PAAF1: variants seen among roughly 807,000 people sequenced by gnomAD.
PAAF1 encodes proteasomal ATPase-associated factor 1.
In PAAF1, 46 loss-of-function variants were observed where a neutral mutation model predicts 52.8. That is an observed-to-expected ratio of 0.87 (90% CI 0.69 to 1.11). The LOEUF is 1.11. Among genes scored for constraint, PAAF1 ranks in the 50% most tolerant of loss-of-function variants. PAAF1 has a pLI of 0.00. For missense variants in PAAF1, 424 were observed against 477.4 expected, an observed-to-expected ratio of 0.89 and a Z score of 1.04; for synonymous variants, 178 against 172.8, an observed-to-expected ratio of 1.03 and a Z score of -0.24.
rs534645379 is a variant in PAAF1, at chr11:73,923,091, A to G, written c.1019-1524A>G. ...GTCTTCATATATTTTGAAATATATC[A>G]TGAGCGTCTTATTTCATCTGTTAGC... On this transcript the variant is annotated intron_variant, in intron 10 of 11. Coordinates refer to ENST00000310571, the MANE Select transcript of PAAF1 (RefSeq NM_025155.3). Among the ~76,000 whole-genome samples, 4 of 152,276 alleles carry G rather than the reference A, an allele frequency of 2.6e-5. No individual in the cohort carries two copies. In the South Asian group the frequency reaches 8.3e-4, roughly 32 times the overall value.
chr11:73,887,247 C>T, intron 2 of PAAF1, 107 bp from the exon 3 acceptor site: 1 of 722,386 alleles, frequency 1.4e-6, no homozygotes, highest in Non-Finnish European at 2.2e-6. Flanking sequence ...TTTCGTGGGC[C>T]AATTTCATGG....
chr11:73,919,543 G>A (rs1351393260), intron 10 of PAAF1, among the ~76,000 whole-genome samples: 1 of 152,174 alleles, frequency 6.6e-6, no homozygotes, highest in Non-Finnish European at 1.5e-5. Flanking sequence ...GGCAAGCGGG[G>A]GCAAAAGAAG....
chr11:73,930,360 G>T lies in PAAF1; in HGVS notation c.*2998G>T, dbSNP rs1374996797. 8 of 149,578 alleles carry T rather than the reference G, an allele frequency of 5.3e-5. No homozygotes were observed. 9.3% of individuals were successfully genotyped at this position (149,578 alleles called of 1,614,324 possible). On this transcript the variant is annotated 3_prime_UTR_variant, in exon 12 of 12. Transcript: ENST00000310571. ...ACTCCAGCCTGGGCGACAGAGCGAG[G>T]CTCTATCTCAAGAAAAAAAAAAAGA...
At chr11:73,889,865 G>C (rs1949154934) in intron 3 of PAAF1, among the ~76,000 whole-genome samples, 1 of 152,196 alleles carries the variant, frequency 6.6e-6, no homozygotes. Flanking sequence ...CAGGCAGCCA[G>C]GCATGGATAT....
intron 2 of PAAF1, among the ~76,000 whole-genome samples, chr11:73,881,534 C>T (rs189796364): frequency 9.9e-5 from 15 of 152,196 alleles, no homozygotes; most frequent in African/African-American, 2.9e-4. Context: ...GTGATCCGCC[C>T]GCCTTGGCCT....
chr11:73,916,580 CT>C lies in PAAF1; in HGVS notation c.856del (p.Cys286ValfsTer23). The C allele has an allele frequency of 6.2e-7, 1 of 1,613,882 alleles. No individual in the cohort carries two copies. Among genetic ancestry groups the C allele is most frequent in the South Asian group, 1.1e-5 (1 of 91,044 alleles). On this transcript the variant is annotated frameshift_variant, in exon 9 of 12. Coordinates refer to ENST00000310571, the MANE Select transcript of PAAF1 (RefSeq NM_025155.3). LOFTEE classifies it high-confidence loss of function. ...LFIGSDAFNC[C>X]TFLSGFLLLA... ...TTATTGGCTCAGACGCTTTCAACTG[CT>C]GTACTTTTCTCTCTGGCTTCTTGCT...
intron 10 of PAAF1, chr11:73,922,249 T>A (rs1232870248): frequency 1.6e-6 from 1 of 616,752 alleles, no homozygotes; most frequent in East Asian, 4.0e-5. Context: ...TTTTCTACTT[T>A]TCTGCTGGGA....
intron 6 of PAAF1, among the ~76,000 whole-genome samples, chr11:73,900,716 C>CT (rs1327568340): frequency 6.6e-6 from 1 of 152,102 alleles, no homozygotes; most frequent in African/African-American, 2.4e-5. Context: ...GGCGCGGTGG[C>CT]TCACGCCTGT....
chr11:73,881,276 C>T (rs1287737743), intron 2 of PAAF1, among the ~76,000 whole-genome samples: 1 of 152,056 alleles, frequency 6.6e-6, no homozygotes, highest in East Asian at 1.9e-4. Context: ...ATTTTTCTTG[C>T]CGATACATAC....
intron 4 of PAAF1, among the ~76,000 whole-genome samples, chr11:73,897,542 C>T (rs1432975141): frequency 1.4e-5 from 2 of 142,252 alleles, no homozygotes; most frequent in South Asian, 2.3e-4. Flanking sequence ...ACATCTCAGA[C>T]GATGGGCGGC....
At chr11:73,886,567 G>A (rs1949062246) in intron 2 of PAAF1, among the ~76,000 whole-genome samples, 1 of 150,656 alleles carries the variant, frequency 6.6e-6, no homozygotes, top group African/African-American at 2.4e-5. Flanking sequence ...CCAGCTGTTC[G>A]GAGGCTGAAG....
chr11:73,893,895 C>CA (rs905763403), intron 4 of PAAF1, among the ~76,000 whole-genome samples: 3 of 152,072 alleles, frequency 2.0e-5, no homozygotes, highest in Non-Finnish European at 2.9e-5. Context: ...CTCGTCTCTA[C>CA]AAAAAAATTA....
At chr11:73,924,726 G>C in intron 11 of PAAF1, 29 bp downstream of exon 11, 1 of 1,576,480 alleles carries the variant, frequency 6.3e-7, no homozygotes, top group South Asian at 1.1e-5. Context: ...ACCAGACCTG[G>C]GTGATTCTCA....
intron 2 of PAAF1, among the ~76,000 whole-genome samples, chr11:73,882,311 CTTTTTTTTT>C (rs34242715): frequency 8.4e-6 from 1 of 119,568 alleles, no homozygotes; most frequent in Non-Finnish European, 1.8e-5. Flanking sequence ...CGTGCCTGCA[CTTTTTTTTT>C]TTTTTTTTTG....
At position 73,916,554 on chromosome 11, in the gene PAAF1, T is replaced by G. The variant is rs1418619901; in HGVS notation, c.829T>G (p.Phe277Val). 6.2e-7 allele frequency: 1 copy of G among 1,612,002 alleles called. No homozygotes were observed. The highest frequency in any genetic ancestry group is 8.5e-7 in the Non-Finnish European group (1 of 1,178,768). Residue 277 changes from phenylalanine (F) to valine (V), a missense_variant, in exon 9 of 12, where the codon TTT (phenylalanine) becomes GTT (valine). Physicochemically the swap from Phe to Val is conservative, Grantham distance 50 (BLOSUM62 -1). Coordinates refer to ENST00000310571, the MANE Select transcript of PAAF1 (RefSeq NM_025155.3). ...TCCTACTTGTTCCCAGGTGTTCCTC[T>G]TTATTGGCTCAGACGCTTTCAACTG... ...GLQSRQLVFL[F>V]IGSDAFNCCT...
At chr11:73,897,895 T>G (rs1285055786) in intron 4 of PAAF1, among the ~76,000 whole-genome samples, 10 of 151,772 alleles carry the variant, frequency 6.6e-5, no homozygotes, top group Admixed American at 6.6e-4. Context: ...GGGGCACCAT[T>G]GAGCACTGAG....
chr11:73,905,230 C>CTT (rs370887715), intron 6 of PAAF1, among the ~76,000 whole-genome samples: 74 of 146,736 alleles, frequency 5.0e-4, no homozygotes, highest in African/African-American at 1.8e-3. Flanking sequence ...TTGCTGCTTT[C>CTT]TTTTTTTTTT....
At chr11:73,913,678 A>G (rs957411762) in intron 7 of PAAF1, among the ~76,000 whole-genome samples, 7 of 150,072 alleles carry the variant, frequency 4.7e-5, no homozygotes, top group Admixed American at 4.6e-4. Context: ...ATGTCATCAC[A>G]TAGAAGATGA....
chr11:73,921,866 G>T lies in PAAF1; in HGVS notation c.1019-2749G>T, dbSNP rs566088011. On this transcript the variant is annotated intron_variant, in intron 10 of 11. Transcript: ENST00000310571. ...TACATTGCATTAAGTGGAAAACCAG[G>T]TTCTCCAGGAATGGGAAAGTTAGTG... 83 of 1,123,422 alleles carry T rather than the reference G, an allele frequency of 7.4e-5. 1 individual carries two copies. The South Asian group carries it at 1.0e-3, about 14-fold the overall frequency. 69.6% of individuals were successfully genotyped at this position (1,123,422 alleles called of 1,614,324 possible).
Sources: allele counts gnomAD v4.1 joint callset (sites outside exome capture counted in the v4.1 genomes callset), GRCh38; gene constraint gnomAD v4.1.1; transcripts MANE v1.5; gene names NCBI Gene and HGNC (gene_info 2026-07-23, HGNC 2026-07-21).